Variants in ETNPPL observed in about 807,000 individuals in gnomAD.
ETNPPL encodes the protein alanine--glyoxylate aminotransferase 2-like 1.
Under a neutral mutation model 55.5 loss-of-function variants are expected in ETNPPL, and 30 were observed. That is an observed-to-expected ratio of 0.54 (90% CI 0.40 to 0.73). The LOEUF is 0.73. Ranked by LOEUF, ETNPPL falls within the 30% of genes least tolerant of loss-of-function variation. The pLI, the probability that ETNPPL is intolerant of heterozygous loss-of-function variation, is 0.00. For synonymous variants in ETNPPL, 202 were observed against 207.2 expected, an observed-to-expected ratio of 0.98 and a Z score of 0.21; for missense variants, 528 against 607.9, an observed-to-expected ratio of 0.87 and a Z score of 1.38.
At chr4:108,762,408 T>C (rs1367676131) in intron 1 of ETNPPL, 4 of 521,112 alleles carry the variant, frequency 7.7e-6, no homozygotes, top group African/African-American at 1.9e-5. Context: ...TTGTCAGAAT[T>C]GGTTTGTTTG....
intron 12 of ETNPPL, among the ~76,000 whole-genome samples, chr4:108,743,003 T>C (rs1728292188): frequency 6.6e-6 from 1 of 152,194 alleles, no homozygotes; most frequent in Admixed American, 6.5e-5. Context: ...TTCCTATAAT[T>C]GGTTTGTGTT....
At chr4:108,753,524 T>C (rs1260895813) in intron 5 of ETNPPL, among the ~76,000 whole-genome samples, 2 of 152,042 alleles carry the variant, frequency 1.3e-5, no homozygotes, top group Non-Finnish European at 2.9e-5. Flanking sequence ...TGCAGGTCTC[T>C]TAAGGTCAGG....
chr4:108,762,681 CG>C lies in ETNPPL; in HGVS notation c.56+161del. The C allele has an allele frequency of 2.0e-5, 17 of 842,234 alleles. No individual in the cohort carries two copies. In the South Asian group the frequency reaches 2.2e-4, roughly 11 times the overall value. The allele number at this position is 842,234 out of a possible 1,614,324, so 52.2% of individuals were successfully genotyped here. On this transcript the variant is annotated intron_variant, in intron 1 of 12. Transcript: ENST00000296486. Reference sequence around the variant, plus strand: ...CCAGGAGCGTTTCTGGGAGTCCGCGCGGCCCCTGCAGGTGGAGGCGCGCGGG... The same window carrying C: ...CCAGGAGCGTTTCTGGGAGTCCGCGCGCCCCTGCAGGTGGAGGCGCGCGGG...
chr4:108,750,935 C>T lies in ETNPPL; in HGVS notation c.701+1G>A. On this transcript the variant is annotated splice_donor_variant, in intron 7 of 12. Transcript: ENST00000296486. LOFTEE classifies it high-confidence loss of function. The stretch of plus-strand genomic sequence containing the variant: ...CAAGGAGGCCCAAGTCAAGTACATA[C>T]TCTGCCACTTTCTGGAAGTAGCCTG... The T allele has an allele frequency of 1.2e-6, 2 of 1,611,610 alleles. No homozygotes were observed. The highest frequency in any genetic ancestry group is 8.5e-7 in the Non-Finnish European group (1 of 1,177,998).
At chr4:108,758,497 C>T (rs561245772) in intron 3 of ETNPPL, among the ~76,000 whole-genome samples, 7 of 152,118 alleles carry the variant, frequency 4.6e-5, no homozygotes, top group Non-Finnish European at 1.0e-4. Context: ...CACCTGTAAT[C>T]CCTGCACTTT....
chr4:108,762,311 G>C, intron 1 of ETNPPL: 1 of 455,652 alleles, frequency 2.2e-6, no homozygotes, highest in Non-Finnish European at 4.4e-6. Context: ...TCTAACAGAA[G>C]GTGGTTTCAA....
intron 3 of ETNPPL, among the ~76,000 whole-genome samples, chr4:108,757,895 T>C (rs918407583): frequency 3.3e-5 from 5 of 152,030 alleles, no homozygotes; most frequent in Non-Finnish European, 7.4e-5. Flanking sequence ...GTGACCACCA[T>C]GCTGGACATA....
intron 5 of ETNPPL, among the ~76,000 whole-genome samples, chr4:108,753,768 G>T (rs146626942): frequency 0.1 from 11,828 of 117,174 alleles, 1,049 homozygotes; most frequent in East Asian, 0.49. Flanking sequence ...AAGAAAGAAA[G>T]AAAGAAAGAA....
At chr4:108,746,901 T>A (rs1728535147) in intron 9 of ETNPPL, 50 bp from the exon 10 acceptor site, 2 of 1,317,382 alleles carry the variant, frequency 1.5e-6, no homozygotes, top group Admixed American at 1.8e-5. Flanking sequence ...AACTCTTCAC[T>A]GTCACAAAAA....
chr4:108,762,158 G>A (rs1045978565), intron 1 of ETNPPL: 2 of 273,212 alleles, frequency 7.3e-6, no homozygotes, highest in African/African-American at 4.4e-5. Context: ...GACATCCAAC[G>A]AGAGCTAGAG....
rs1729595916 is a variant in ETNPPL, at chr4:108,762,999, C to T, written c.-101G>A. ...TTGGCGGCCCCGGCCGGCCTTCCTC[C>T]CGTTATCCCTCCTGGCGTTCTCTTG... On this transcript the variant is annotated 5_prime_UTR_variant, in exon 1 of 13. Coordinates refer to ENST00000296486, the MANE Select transcript of ETNPPL (RefSeq NM_031279.4). The T allele has an allele frequency of 9.0e-7, 1 of 1,116,580 alleles. No homozygotes were observed. The allele number at this position is 1,116,580 out of a possible 1,614,324, so 69.2% of individuals were successfully genotyped here.
At chr4:108,759,648 C>CACCATGAATCAAAAGGAAAGAT in intron 3 of ETNPPL, 101 bp downstream of exon 3, 1 of 1,272,804 alleles carries the variant, frequency 7.9e-7, no homozygotes, top group Admixed American at 2.1e-5. Context: ...TCAGCAAACC[C>CACCATGAATCAAAAGGAAAGAT]TTTTGGACAA....
At chr4:108,757,643 A>T (rs988509981) in intron 3 of ETNPPL, among the ~76,000 whole-genome samples, 2 of 152,184 alleles carry the variant, frequency 1.3e-5, no homozygotes, top group Non-Finnish European at 2.9e-5. Context: ...TTAAAAAAAT[A>T]GAATATTAGT....
In ETNPPL at chr4:108,750,665, C is replaced by T. The variant is rs72895032; in HGVS notation, c.701+271G>A. On this transcript the variant is annotated intron_variant, in intron 7 of 12. Coordinates refer to ENST00000296486, the MANE Select transcript of ETNPPL (RefSeq NM_031279.4). ...TCCCTCTAGAGAACCCTGACCAATA[C>T]AGATTTGGTACTAGCCAATCAGAGA... Among the ~76,000 whole-genome samples, 909 of 130,604 alleles carry T rather than the reference C, an allele frequency of 7.0e-3. 12 individuals carry two copies. The highest frequency in any genetic ancestry group is 0.027 in the African/African-American group (855 of 31,678). The allele number at this position is 130,604 out of a possible 152,430, so 85.7% of individuals were successfully genotyped here. A position where few individuals can be genotyped will look rare whatever the true frequency, so the allele number is the denominator to read the frequency against.
At position 108,753,466 on chromosome 4, in the gene ETNPPL, G is replaced by T. The variant is rs562308143; in HGVS notation, c.502-455C>A. On this transcript the variant is annotated intron_variant, in intron 5 of 12. Coordinates refer to ENST00000296486, the MANE Select transcript of ETNPPL (RefSeq NM_031279.4). ...GATGATTCTCAAGAAATTTGGCCAG[G>T]CGCGGTGGCTCACGTCTGTAATCCC... Among the ~76,000 whole-genome samples the T allele has an allele frequency of 3.3e-5, 5 of 152,200 alleles. No homozygotes were observed. In the South Asian group the frequency reaches 1.0e-3, roughly 32 times the overall value.
At chr4:108,744,945 C>T (rs531108439) in intron 11 of ETNPPL, among the ~76,000 whole-genome samples, 3 of 152,136 alleles carry the variant, frequency 2.0e-5, no homozygotes, top group South Asian at 2.1e-4. Context: ...GGCTAGTCTC[C>T]AGCTCCTGAG....
At chr4:108,754,470 A>G (rs1218851289) in intron 5 of ETNPPL, 150 bp downstream of exon 5, 5 of 545,670 alleles carry the variant, frequency 9.2e-6, no homozygotes, top group Non-Finnish European at 1.6e-5. Flanking sequence ...ACATTCTGTC[A>G]TTATTTAGCC....
In ETNPPL at chr4:108,763,048, T is replaced by A; in HGVS notation, c.-150A>T. The A allele has an allele frequency of 1.5e-6, 1 of 661,394 alleles. No homozygotes were observed. Among genetic ancestry groups the A allele is most frequent in the Non-Finnish European group, 2.7e-6 (1 of 374,324 alleles). The allele number at this position is 661,394 out of a possible 1,614,324, so 41.0% of individuals were successfully genotyped here. A position where few individuals can be genotyped will look rare whatever the true frequency, so the allele number is the denominator to read the frequency against. On this transcript the variant is annotated 5_prime_UTR_variant, in exon 1 of 13. Transcript: ENST00000296486. The stretch of plus-strand genomic sequence containing the variant: ...TGCCCGGGGCGTCGGAGGTCACCGG[T>A]GGCGTCAACTAGCTAGGATCATCTC...
intron 9 of ETNPPL, among the ~76,000 whole-genome samples, chr4:108,747,139 TATATATATAATATATATATATATATTATA>T (rs1728563759): frequency 3.6e-5 from 1 of 27,710 alleles, no homozygotes; most frequent in African/African-American, 2.0e-4. Context: ...TATATATATA[TATATATATAATATATATATATATATTATA>T]TATATATATA....
Sources: allele counts gnomAD v4.1 joint callset (sites outside exome capture counted in the v4.1 genomes callset), GRCh38; gene constraint gnomAD v4.1.1; transcripts MANE v1.5; gene names NCBI Gene and HGNC (gene_info 2026-07-23, HGNC 2026-07-21).